Variants in NNT observed in about 807,000 individuals in gnomAD.
NNT encodes the protein NAD(P) transhydrogenase, mitochondrial.
A neutral mutation model predicts 104.8 loss-of-function variants in NNT; 50 were observed. That is an observed-to-expected ratio of 0.48 (90% CI 0.38 to 0.60). NNT has a LOEUF of 0.60. Among genes scored for constraint, NNT ranks in the 20% least tolerant of loss-of-function variants. The pLI, the probability that NNT is intolerant of heterozygous loss-of-function variation, is 0.00. For missense variants in NNT, 1,131 were observed against 1,330.7 expected (o/e 0.85, Z 2.33); for synonymous variants, 461 against 490.4 (o/e 0.94, Z 0.79).
chr5:43,634,693 A>G (rs915929732), intron 7 of NNT, among the ~76,000 whole-genome samples: 20 of 152,164 alleles, frequency 1.3e-4, no homozygotes, highest in Admixed American at 1.3e-3. Context: ...AAGTGTTGCA[A>G]CATCAAGGGT....
intron 16 of NNT, among the ~76,000 whole-genome samples, chr5:43,657,148 C>T (rs955622202): frequency 6.6e-6 from 1 of 152,078 alleles, no homozygotes; most frequent in African/African-American, 2.4e-5. Context: ...TATGACAAGC[C>T]CTACAAAATA....
chr5:43,659,595 G>T (rs369601136), intron 17 of NNT, among the ~76,000 whole-genome samples: 1 of 152,056 alleles, frequency 6.6e-6, no homozygotes, highest in South Asian at 2.1e-4. Context: ...CAGGCGTGGT[G>T]GTGGGTGCCT....
intron 19 of NNT, among the ~76,000 whole-genome samples, chr5:43,698,571 A>G (rs963611908): frequency 7.2e-5 from 11 of 151,908 alleles, no homozygotes; most frequent in African/African-American, 2.7e-4. Flanking sequence ...CATTTATTTC[A>G]ATGTTTAATA....
At chr5:43,637,570 C>T (rs747189316) in intron 7 of NNT, among the ~76,000 whole-genome samples, 12 of 152,030 alleles carry the variant, frequency 7.9e-5, no homozygotes, top group Non-Finnish European at 1.3e-4. Flanking sequence ...TAGGTGTGGG[C>T]TGGGACACTC....
chr5:43,676,108 G>A (rs1249680242), intron 18 of NNT, among the ~76,000 whole-genome samples: 4 of 152,198 alleles, frequency 2.6e-5, no homozygotes, highest in African/African-American at 9.7e-5. Context: ...TCAACAAAAT[G>A]AGGCAATGTG....
At position 43,677,883 on chromosome 5, in the gene NNT, T is replaced by C; in HGVS notation, c.2876+77T>C. 8.5e-6 allele frequency: 10 copies of C among 1,171,856 alleles called. No individual in the cohort carries two copies. In the South Asian group the frequency reaches 1.2e-4, roughly 14 times the overall value. The allele number at this position is 1,171,856 out of a possible 1,614,324, so 72.6% of individuals were successfully genotyped here. On this transcript the variant is annotated intron_variant, in intron 19 of 21. Coordinates refer to ENST00000344920, the MANE Select transcript of NNT (RefSeq NM_182977.3). ...GAGAAAAGGAAATACAGTGGACCCT[T>C]GAACAATGTAGGGGTTAGGGCACTG...
At chr5:43,608,251 A>G (rs1380663176) in intron 1 of NNT, among the ~76,000 whole-genome samples, 1 of 152,190 alleles carries the variant, frequency 6.6e-6, no homozygotes, top group African/African-American at 2.4e-5. Flanking sequence ...TGAAAGAAAG[A>G]AGAGAAAGGT....
At chr5:43,650,004 C>T (rs1270656776) in intron 11 of NNT, among the ~76,000 whole-genome samples, 1 of 152,210 alleles carries the variant, frequency 6.6e-6, no homozygotes, top group African/African-American at 2.4e-5. Context: ...CTGCAGGGAA[C>T]ATGTCTAGCT....
intron 19 of NNT, among the ~76,000 whole-genome samples, chr5:43,682,839 C>T (rs752882129): frequency 4.6e-5 from 7 of 152,112 alleles, no homozygotes; most frequent in Non-Finnish European, 8.8e-5. Flanking sequence ...GTTGTAGGTC[C>T]AGGGGATACC....
At position 43,623,729 on chromosome 5, in the gene NNT, C is replaced by T. The variant is rs191796383; in HGVS notation, c.688-303C>T. ...AAAGAATCTGTTAATCTTCAACATA[C>T]GTAATGCTGATCATGCTTAGGTAGT... On this transcript the variant is annotated intron_variant, in intron 5 of 21. Coordinates refer to ENST00000344920, the MANE Select transcript of NNT (RefSeq NM_182977.3). Among the ~76,000 whole-genome samples the T allele has an allele frequency of 7.4e-4, 113 of 152,276 alleles. 2 individuals carry two copies. The highest frequency in any genetic ancestry group is 2.1e-4 in the South Asian group (1 of 4,824).
At chr5:43,630,273 G>A (rs1395640430) in intron 7 of NNT, among the ~76,000 whole-genome samples, 1 of 152,078 alleles carries the variant, frequency 6.6e-6, no homozygotes, top group Non-Finnish European at 1.5e-5. Flanking sequence ...TCAAACCCTT[G>A]ATAAATTGAT....
At chr5:43,612,526 A>T (rs13186372) in intron 2 of NNT, among the ~76,000 whole-genome samples, 5,942 of 152,142 alleles carry the variant, frequency 0.039, 154 homozygotes, top group East Asian at 0.13. Context: ...ATTACTTCCA[A>T]TTTTGTTAAA....
chr5:43,681,826 C>G (rs1741734941), intron 19 of NNT, among the ~76,000 whole-genome samples: 1 of 152,156 alleles, frequency 6.6e-6, no homozygotes, highest in Non-Finnish European at 1.5e-5. Flanking sequence ...ATGCGTAAGT[C>G]CAGTCCTCAA....
chr5:43,623,563 G>C (rs16873406), intron 5 of NNT, among the ~76,000 whole-genome samples: 10,586 of 152,206 alleles, frequency 0.07, 647 homozygotes, highest in African/African-American at 0.16. Context: ...GGTTGGGGTA[G>C]ATGTTTCACC....
chr5:43,609,381 T>A, intron 2 of NNT, 35 bp downstream of exon 2: 1 of 1,606,648 alleles, frequency 6.2e-7, no homozygotes, highest in Non-Finnish European at 8.5e-7. Flanking sequence ...AAATGAAACC[T>A]TCAAGTCATA....
At chr5:43,647,661 G>A (rs13360905) in intron 10 of NNT, among the ~76,000 whole-genome samples, 4,848 of 152,132 alleles carry the variant, frequency 0.032, 218 homozygotes, top group African/African-American at 0.1. Context: ...TCTGACATAC[G>A]TTACTAAATA....
At chr5:43,613,571 A>G (rs1749619214) in intron 3 of NNT, 1 of 154,704 alleles carries the variant, frequency 6.5e-6, no homozygotes, top group Non-Finnish European at 1.4e-5. Context: ...CTATTTCTAG[A>G]GAGGGCATGA....
intron 5 of NNT, among the ~76,000 whole-genome samples, 194 bp downstream of exon 5, chr5:43,619,313 T>C (rs897485442): frequency 6.6e-6 from 1 of 152,190 alleles, no homozygotes. Flanking sequence ...TTTGACTTTC[T>C]GAAAGTTCTA....
rs16873430 is a variant in NNT at position 43,644,342 on chromosome 5, T to C, written c.1098+17T>C. On this transcript the variant is annotated intron_variant, in intron 8 of 21. Transcript: ENST00000344920. ...ATTCATAAGGTATAGCAAGATGCGT[T>C]TTCTATCTGTGATCACTTCTCATGT... 1.7e-3 allele frequency: 2,799 copies of C among 1,609,430 alleles called. 41 individuals carry two copies. In the African/African-American group the frequency reaches 0.033, roughly 19 times the overall value.
Sources: allele counts gnomAD v4.1 joint callset (sites outside exome capture counted in the v4.1 genomes callset), GRCh38; gene constraint gnomAD v4.1.1; transcripts MANE v1.5; gene names NCBI Gene and HGNC (gene_info 2026-07-23, HGNC 2026-07-21).